The following MDGA2 variants were observed in gnomAD, a reference collection of about 807,000 sequenced individuals.
MDGA2 encodes the protein MAM domain-containing glycosylphosphatidylinositol anchor protein 2.
A neutral mutation model predicts 117.8 loss-of-function variants in MDGA2; 40 were observed. The observed-to-expected ratio is 0.34, with a 90% confidence interval of 0.26 to 0.44. MDGA2 has a LOEUF of 0.44. Ranked by LOEUF, MDGA2 falls within the 20% of genes least tolerant of loss-of-function variation. MDGA2 has a pLI of 1.00. For synonymous variants in MDGA2, 452 were observed against 439.0 expected (o/e 1.03, Z -0.37); for missense variants, 1,123 against 1,250.6 (o/e 0.90, Z 1.54).
At chr14:47,396,679 T>C (rs1892016831) in intron 1 of MDGA2, among the ~76,000 whole-genome samples, 1 of 152,166 alleles carries the variant, frequency 6.6e-6, no homozygotes, top group Non-Finnish European at 1.5e-5. Context: ...GTGAAGGATA[T>C]GAACAGACAC....
At chr14:47,369,955 T>C (rs928049286) in intron 1 of MDGA2, among the ~76,000 whole-genome samples, 1 of 152,192 alleles carries the variant, frequency 6.6e-6, no homozygotes, top group East Asian at 1.9e-4. Context: ...TTGTGACATT[T>C]TCTATTATTT....
chr14:47,616,288 A>G (rs966615769), intron 1 of MDGA2, among the ~76,000 whole-genome samples: 1 of 152,178 alleles, frequency 6.6e-6, no homozygotes, highest in African/African-American at 2.4e-5. Flanking sequence ...AGTAAACTCT[A>G]AATTAGCCAA....
intron 1 of MDGA2, among the ~76,000 whole-genome samples, chr14:47,350,399 T>C (rs1465501727): frequency 6.6e-6 from 1 of 152,150 alleles, no homozygotes; most frequent in Non-Finnish European, 1.5e-5. Context: ...GATATGGAAA[T>C]AGCAGGTAGA....
chr14:47,086,221 A>C (rs1594604987), intron 6 of MDGA2, among the ~76,000 whole-genome samples: 2 of 151,836 alleles, frequency 1.3e-5, no homozygotes, highest in South Asian at 4.1e-4. Flanking sequence ...ATTCTCATAC[A>C]GTTTTCAGAA....
intron 1 of MDGA2, among the ~76,000 whole-genome samples, chr14:47,369,356 T>C (rs1158859712): frequency 6.6e-6 from 1 of 152,142 alleles, no homozygotes; most frequent in Non-Finnish European, 1.5e-5. Flanking sequence ...ACATATAATT[T>C]TGTCCACTTC....
intron 6 of MDGA2, among the ~76,000 whole-genome samples, chr14:47,065,380 T>C (rs2138808093): frequency 6.6e-6 from 1 of 152,230 alleles, no homozygotes; most frequent in East Asian, 1.9e-4. Flanking sequence ...CTGCAAAAAT[T>C]TGGGTAGGGT....
chr14:47,459,788 G>A (rs988565765), intron 1 of MDGA2, among the ~76,000 whole-genome samples: 13 of 151,980 alleles, frequency 8.6e-5, no homozygotes, highest in East Asian at 1.9e-4. Flanking sequence ...AATTAATACC[G>A]AAATGTACTG....
chr14:46,845,300 G>A (rs550291954), intron 16 of MDGA2, among the ~76,000 whole-genome samples: 30 of 152,114 alleles, frequency 2.0e-4, no homozygotes, highest in Non-Finnish European at 3.4e-4. Flanking sequence ...GTTTCCTTAG[G>A]CCTCCCAGCC....
At position 47,097,112 on chromosome 14, in the gene MDGA2, T is replaced by C. The variant is rs534336285; in HGVS notation, c.937A>G (p.Ile313Val). 3.6e-5 allele frequency: 58 copies of C among 1,612,366 alleles called. 1 individual carries two copies. The Middle Eastern group carries it at 5.0e-4, about 14-fold the overall frequency. ...ATAGGATCATCCACCAAGAGTTTAA[T>C]TGACGGTGATGCTAAAAGACATAAA... is the stretch of plus-strand genomic sequence containing the variant. ...RLSNKTASPS[I>V]KLLVDDPIVV... Residue 313 changes from isoleucine to valine, a missense_variant, in exon 6 of 17, where the codon ATT (isoleucine) becomes GTT (valine). Ile to Val is a conservative substitution (Grantham distance 29). Coordinates refer to ENST00000399232, the MANE Select transcript of MDGA2 (RefSeq NM_001113498.3).
intron 2 of MDGA2, among the ~76,000 whole-genome samples, chr14:47,278,288 T>G (rs568739687): frequency 6.6e-6 from 1 of 152,290 alleles, no homozygotes; most frequent in African/African-American, 2.4e-5. Context: ...TTTTCAATTT[T>G]ATTTTTAAAT....
intron 8 of MDGA2, among the ~76,000 whole-genome samples, chr14:46,969,247 T>A (rs1886163124): frequency 1.3e-5 from 2 of 152,192 alleles, no homozygotes. Flanking sequence ...TGATTTATAT[T>A]CCTTTGGCTA....
intron 6 of MDGA2, among the ~76,000 whole-genome samples, chr14:47,086,105 T>C (rs966500311): frequency 7.7e-6 from 1 of 129,764 alleles, no homozygotes; most frequent in African/African-American, 2.6e-5. Context: ...TTTTTTTTTT[T>C]TGTTTTTTGT....
chr14:47,432,205 T>C (rs1289794196), intron 1 of MDGA2, among the ~76,000 whole-genome samples: 3 of 151,990 alleles, frequency 2.0e-5, no homozygotes, highest in African/African-American at 7.2e-5. Flanking sequence ...GTTTTGTGGT[T>C]AAAAAATATT....
intron 5 of MDGA2, among the ~76,000 whole-genome samples, chr14:47,122,920 C>G (rs182057066): frequency 1.2e-4 from 19 of 152,130 alleles, no homozygotes; most frequent in Admixed American, 2.6e-4. Context: ...ATACAAAATA[C>G]ATGGTCTGGA....
intron 1 of MDGA2, among the ~76,000 whole-genome samples, chr14:47,429,741 C>T (rs1892761855): frequency 2.6e-5 from 4 of 151,744 alleles, no homozygotes; most frequent in African/African-American, 9.7e-5. Context: ...GCACCATTTT[C>T]AGTACTGAGG....
chr14:47,069,038 A>G (rs1890184021), intron 6 of MDGA2, among the ~76,000 whole-genome samples: 1 of 152,094 alleles, frequency 6.6e-6, no homozygotes, highest in African/African-American at 2.4e-5. Flanking sequence ...ATTCTCTCAG[A>G]CTGAAACTTG....
At chr14:47,045,990 C>T (rs1889248510) in intron 7 of MDGA2, among the ~76,000 whole-genome samples, 1 of 143,452 alleles carries the variant, frequency 7.0e-6, no homozygotes, top group African/African-American at 2.6e-5. Flanking sequence ...ACATCACACA[C>T]CGGGGACTGT....
intron 1 of MDGA2, among the ~76,000 whole-genome samples, chr14:47,351,350 G>A (rs1211283647): frequency 2.0e-5 from 3 of 152,060 alleles, no homozygotes; most frequent in African/African-American, 7.2e-5. Flanking sequence ...CCAAAGTGCT[G>A]GGATTACAGG....
intron 5 of MDGA2, 47 bp downstream of exon 5, chr14:47,131,666 CA>C (rs1231700969): frequency 2.1e-6 from 3 of 1,402,176 alleles, no homozygotes; most frequent in Non-Finnish European, 2.9e-6. Flanking sequence ...AGTTTTTAAA[CA>C]TTAGTTGTAG....
Sources: allele counts gnomAD v4.1 joint callset (sites outside exome capture counted in the v4.1 genomes callset), GRCh38; gene constraint gnomAD v4.1.1; transcripts MANE v1.5; gene names NCBI Gene and HGNC (gene_info 2026-07-23, HGNC 2026-07-21).